The following KMT2A variants were observed in gnomAD, a reference collection of about 807,000 sequenced individuals.
KMT2A encodes the protein lysine methyltransferase 2A.
In KMT2A, 16 loss-of-function variants were observed where a neutral mutation model predicts 345.3. That is an observed-to-expected ratio of 0.05 (90% confidence interval 0.03 to 0.07). The LOEUF is 0.07. KMT2A is among the 10% of genes least tolerant of loss of function. KMT2A has a pLI of 1.00. For missense variants in KMT2A, 3,272 were observed against 4,841.6 expected (o/e 0.68, Z 9.62); for synonymous variants, 1,599 against 1,778.6 (o/e 0.90, Z 2.54).
intron 5 of KMT2A, 108 bp from the exon 6 acceptor site, chr11:118,480,066 G>A: frequency 1.2e-6 from 1 of 830,594 alleles, no homozygotes; most frequent in East Asian, 2.7e-5. Flanking sequence ...CTATAAAAAT[G>A]TGAACCTGAA....
chr11:118,504,893 C>T lies in KMT2A; in HGVS notation c.9001C>T (p.His3001Tyr), dbSNP rs2134402276. The T allele has an allele frequency of 6.2e-7, 1 of 1,614,068 alleles. No homozygotes were observed. Among genetic ancestry groups the T allele is most frequent in the Non-Finnish European group, 8.5e-7 (1 of 1,179,926 alleles). The change falls in exon 27 of 36, where the codon CAC becomes TAC. Residue 3001 changes from histidine (H) to tyrosine (Y), a missense_variant. By Grantham distance (83) the His-to-Tyr change is moderately conservative. Coordinates refer to ENST00000534358, the MANE Select transcript of KMT2A (RefSeq NM_001197104.2). The surrounding 1 kb of genome is among the most constrained non-coding windows in gnomAD (Gnocchi z 6.4). ...GACTCCTGATCATTTTATCCAAGGA[C>T]ACATGGATGCAGACCACATCTCTAG... is the stretch of plus-strand genomic sequence containing the variant. ...HMTPDHFIQGHMDADHISSPP... is the reference protein window; with the variant it reads ...HMTPDHFIQGYMDADHISSPP...
chr11:118,498,584 T>G lies in KMT2A; in HGVS notation c.5961+56T>G. On this transcript the variant is annotated intron_variant, in intron 22 of 35. Transcript: ENST00000534358. This position sits in a 1 kb window ranked among gnomAD's most constrained non-coding sequence, Gnocchi z 4.4. ...AAAAAAAGACTTTTTTAGAGCAGTT[T>G]TAGGTTCACAGCAAAATTGACTGGA... 6.6e-7 allele frequency: 1 copy of G among 1,525,372 alleles called. No homozygotes were observed. Among genetic ancestry groups the G allele is most frequent in the Non-Finnish European group, 8.8e-7 (1 of 1,140,974 alleles). 94.5% of individuals were successfully genotyped at this position (1,525,372 alleles called of 1,614,324 possible).
Position 118,502,702 on chromosome 11 carries a change from A to C in KMT2A, c.6810A>C (p.Gln2270His). Residue 2270 changes from glutamine (Q) to histidine (H), a missense_variant, in exon 27 of 36, where the codon CAA (glutamine) becomes CAC (histidine). Physicochemically the swap from Gln to His is conservative, Grantham distance 24. This residue lies in a region of KMT2A where 445 missense variants were observed against 500.9 expected (regional missense o/e 0.89). Coordinates refer to ENST00000534358, the MANE Select transcript of KMT2A (RefSeq NM_001197104.2). This position sits in a 1 kb window ranked among gnomAD's most constrained non-coding sequence, Gnocchi z 4.9. ...ACACTTCCACCTCTTCAAATTTGCA[A>C]AGGACAGTGGTTACTGTAGGCAATA... ...GQNTSTSSNLQRTVVTVGNKN... is the reference protein window; with the variant it reads ...GQNTSTSSNLHRTVVTVGNKN... 6.2e-7 allele frequency: 1 copy of C among 1,614,148 alleles called. No homozygotes were observed. Among genetic ancestry groups the C allele is most frequent in the East Asian group, 2.2e-5 (1 of 44,892 alleles).
In KMT2A at chr11:118,502,187, A is replaced by G. The variant is rs1253248132; in HGVS notation, c.6506-211A>G. ...AGAATCGCTGGAACCCAGGAGGTGG[A>G]GGTTGCAGTAAGCCGAGATCGCACC... is the stretch of plus-strand genomic sequence containing the variant. On this transcript the variant is annotated intron_variant, in intron 26 of 35. Transcript: ENST00000534358. The surrounding 1 kb of genome is among the most constrained non-coding windows in gnomAD (Gnocchi z 4.9). Among the ~76,000 whole-genome samples the G allele has an allele frequency of 6.6e-6, 1 of 152,146 alleles. No individual in the cohort carries two copies. Among genetic ancestry groups the G allele is most frequent in the Non-Finnish European group, 1.5e-5 (1 of 68,026 alleles).
Position 118,494,916 on chromosome 11 carries a change from T to A in KMT2A, c.5363+149T>A. On this transcript the variant is annotated intron_variant, in intron 18 of 35. Transcript: ENST00000534358. This position sits in a 1 kb window ranked among gnomAD's most constrained non-coding sequence, Gnocchi z 5.8. The stretch of plus-strand genomic sequence containing the variant: ...TTCGGTGTGGTTTTGAGGACTACAT[T>A]TAATGTTTGTTATAAGCAATTGCCT... 1.6e-6 allele frequency: 1 copy of A among 635,260 alleles called. No individual in the cohort carries two copies. The highest frequency in any genetic ancestry group is 2.8e-6 in the Non-Finnish European group (1 of 360,680). 39.4% of individuals were successfully genotyped at this position (635,260 alleles called of 1,614,324 possible). A position where few individuals can be genotyped will look rare whatever the true frequency, so the allele number is the denominator to read the frequency against.
rs782472065 is a variant in KMT2A, at chr11:118,496,268, T to C, written c.5565T>C (p.Asp1855=). ...AGTCTTTTGGATTTCAAGGTACTGA[T>C]AGGAGTCGAGAAGACAGTCCAGAGC... The part of the protein sequence containing the change: ...HPPTPPILST[D]RSREDSPELN... Residue 1855 remains aspartate, a synonymous_variant, in exon 20 of 36, where the codon GAT becomes GAC. Transcript: ENST00000534358. The surrounding 1 kb of genome is among the most constrained non-coding windows in gnomAD (Gnocchi z 4.7). 4 of 1,612,146 alleles carry C rather than the reference T, an allele frequency of 2.5e-6. No homozygotes were observed. Among genetic ancestry groups the C allele is most frequent in the South Asian group, 2.2e-5 (2 of 91,040 alleles).
In KMT2A at chr11:118,513,430, T is replaced by C. The variant is rs117484600; in HGVS notation, c.11146+1405T>C. On this transcript the variant is annotated intron_variant, in intron 31 of 35. Coordinates refer to ENST00000534358, the MANE Select transcript of KMT2A (RefSeq NM_001197104.2). ...AGGAATTTAATTTTATCAGTGATGT[T>C]CTTCCTTTAAGAGGGAAGGGAAGGA... 7.3e-3 allele frequency among the ~76,000 whole-genome samples: 1,105 copies of C among 152,270 alleles called. 8 individuals carry two copies. The highest frequency in any genetic ancestry group is 0.013 in the Admixed American group (195 of 15,300).
intron 31 of KMT2A, among the ~76,000 whole-genome samples, chr11:118,514,333 C>T (rs1249506003): frequency 1.3e-5 from 2 of 152,214 alleles, no homozygotes; most frequent in Non-Finnish European, 2.9e-5. Context: ...TCCTCTTCAG[C>T]CGGATTCATC....
Position 118,503,303 on chromosome 11 carries a change from G to T in KMT2A, c.7411G>T (p.Val2471Phe). 6.2e-7 allele frequency: 1 copy of T among 1,614,158 alleles called. No homozygotes were observed. The highest frequency in any genetic ancestry group is 8.5e-7 in the Non-Finnish European group (1 of 1,180,002). ...GNLKPEFMDE[V>F]LTPEYMGQRP... ...CTTGAAGCCAGAGTTTATGGATGAG[G>T]TTTTGACTCCTGAGTATATGGGCCA... The change falls in exon 27 of 36, where the codon GTT becomes TTT. Residue 2471 changes from valine (V) to phenylalanine (F), a missense_variant. By Grantham distance (50) the Val-to-Phe change is conservative. Around this residue, in one of 27 missense-constraint regions of KMT2A, gnomAD observed 445 missense variants for 500.9 expected, o/e 0.89. Transcript: ENST00000534358. The surrounding 1 kb of genome is among the most constrained non-coding windows in gnomAD (Gnocchi z 5.3).
chr11:118,492,990 A>T lies in KMT2A; in HGVS notation c.5005-67A>T, dbSNP rs1483319151. On this transcript the variant is annotated intron_variant, in intron 15 of 35. Transcript: ENST00000534358. Reference sequence around the variant, plus strand: ...ATTCAGTACCATCTTTATTAATTTTAATAGAATTTACATGGACACCTTGGT... The same window carrying T: ...ATTCAGTACCATCTTTATTAATTTTTATAGAATTTACATGGACACCTTGGT... The T allele has an allele frequency of 2.7e-5, 34 of 1,242,586 alleles. No homozygotes were observed. In the East Asian group the frequency reaches 7.5e-4, roughly 27 times the overall value. 77.0% of individuals were successfully genotyped at this position (1,242,586 alleles called of 1,614,324 possible).
At chr11:118,492,201 A>G (rs782321970) in intron 15 of KMT2A, among the ~76,000 whole-genome samples, 1 of 152,234 alleles carries the variant, frequency 6.6e-6, no homozygotes, top group Non-Finnish European at 1.5e-5. Flanking sequence ...CACCCAAGAC[A>G]GTAACCTGAT....
chr11:118,442,118 C>A (rs1281266409), intron 1 of KMT2A, among the ~76,000 whole-genome samples: 1 of 152,186 alleles, frequency 6.6e-6, no homozygotes, highest in African/African-American at 2.4e-5. Context: ...TGGCACAGAG[C>A]TTCAGCTTCC....
intron 1 of KMT2A, among the ~76,000 whole-genome samples, chr11:118,454,841 ATT>A (rs879979135): frequency 3.4e-5 from 5 of 146,212 alleles, no homozygotes; most frequent in African/African-American, 1.2e-4. Flanking sequence ...AAAATGGTTA[ATT>A]TTTTTTTTTT....
chr11:118,447,785 A>T, intron 1 of KMT2A: 1 of 275,862 alleles, frequency 3.6e-6, no homozygotes, highest in Admixed American at 4.8e-5. Context: ...TGGATCCATT[A>T]TTAGGAATGG....
At chr11:118,442,244 G>A (rs1188832782) in intron 1 of KMT2A, among the ~76,000 whole-genome samples, 1 of 152,208 alleles carries the variant, frequency 6.6e-6, no homozygotes. Context: ...GAAGGGGGAA[G>A]CTTTGTGACT....
rs2134269106 is a variant in KMT2A, at chr11:118,473,628, G to A, written c.2469G>A (p.Pro823=). 1.2e-6 allele frequency: 2 copies of A among 1,614,018 alleles called. No individual in the cohort carries two copies. The highest frequency in any genetic ancestry group is 1.3e-5 in the African/African-American group (1 of 75,000). ...GACCAAGGAAGCAGACTAGTGCTCC[G>A]GCAGAGCCATTTTCATCAAGTAGTC... is the stretch of plus-strand genomic sequence containing the variant. The part of the protein sequence containing the change: ...NQRPRKQTSA[P]AEPFSSSSPT... The change falls in exon 3 of 36, where the codon CCG becomes CCA. Residue 823 remains proline (P), a synonymous_variant. Transcript: ENST00000534358. The surrounding 1 kb of genome is among the most constrained non-coding windows in gnomAD (Gnocchi z 5.2).
intron 31 of KMT2A, among the ~76,000 whole-genome samples, chr11:118,517,207 A>G (rs992312413): frequency 6.6e-6 from 1 of 151,848 alleles, no homozygotes; most frequent in African/African-American, 2.4e-5. Flanking sequence ...CATCCTGGCT[A>G]ACACAGTGAA....
Position 118,436,647 on chromosome 11 carries a change from G to C in KMT2A, c.135G>C (p.Pro45=), listed in dbSNP as rs9332746. The part of the protein sequence containing the change: ...VPALLLPPGP[P]VGGGGPGAPP... ...CCCTGCTGCTTCCCCCCGGGCCCCC[G>C]GTCGGCGGTGGCGGCCCCGGGGCGC... is the stretch of plus-strand genomic sequence containing the variant. Residue 45 remains proline, a synonymous_variant, in exon 1 of 36, where the codon CCG becomes CCC. Transcript: ENST00000534358. This position sits in a 1 kb window ranked among gnomAD's most constrained non-coding sequence, Gnocchi z 6.9. The C allele has an allele frequency of 9.0e-6, 10 of 1,115,816 alleles. No homozygotes were observed. The highest frequency in any genetic ancestry group is 1.7e-5 in the African/African-American group (1 of 59,836). 69.1% of individuals were successfully genotyped at this position (1,115,816 alleles called of 1,614,324 possible). A position where few individuals can be genotyped will look rare whatever the true frequency, so the allele number is the denominator to read the frequency against.
rs782682980 is a variant in KMT2A at position 118,505,808 on chromosome 11, C to T, written c.9916C>T (p.Pro3306Ser). The change falls in exon 27 of 36, where the codon CCA becomes TCA. Residue 3306 changes from proline (P) to serine (S), a missense_variant. Pro to Ser is a moderately conservative substitution (Grantham distance 74). Around this residue, in one of 27 missense-constraint regions of KMT2A, gnomAD observed 748 missense variants for 922.2 expected, o/e 0.81. Transcript: ENST00000534358. The surrounding 1 kb of genome is among the most constrained non-coding windows in gnomAD (Gnocchi z 4.6). The stretch of plus-strand genomic sequence containing the variant: ...GTATTTTGAACCGGCACCCCTGTTA[C>T]CACAGAGTGTGGGAGGAACTGCTGC... ...IMYFEPAPLL[P>S]QSVGGTAATA... is the part of the protein sequence containing the mutation. 3 of 1,614,030 alleles carry T rather than the reference C, an allele frequency of 1.9e-6. No homozygotes were observed. The highest frequency in any genetic ancestry group is 1.7e-6 in the Non-Finnish European group (2 of 1,180,028).
Sources: allele counts gnomAD v4.1 joint callset (sites outside exome capture counted in the v4.1 genomes callset), GRCh38; gene constraint gnomAD v4.1.1; regional missense constraint gnomAD v4.1.1; non-coding constraint Gnocchi (gnomAD v3.1); transcripts MANE v1.5; gene names NCBI Gene and HGNC (gene_info 2026-07-23, HGNC 2026-07-21).